NLRC4: variants seen among roughly 807,000 people sequenced by gnomAD.
The protein encoded by NLRC4 is NLR family CARD domain containing 4.
NLRC4 carries 63 observed loss-of-function variants against 79.9 expected under a neutral mutation model. The observed-to-expected ratio is 0.79, with a 90% CI of 0.64 to 0.97. The LOEUF (loss-of-function observed/expected upper bound fraction) is 0.97. Ranked by LOEUF, NLRC4 falls within the 50% of genes least tolerant of loss-of-function variation. The probability of loss-of-function intolerance (pLI) is 0.00; values close to 1 mark genes in which losing one functional copy is unlikely to be tolerated. For synonymous variants in NLRC4, 461 were observed against 456.5 expected (o/e 1.01, Z -0.12); for missense variants, 1,074 against 1,215.2 (o/e 0.88, Z 1.73).
At chr2:32,255,103 A>C (rs932838332) in intron 2 of NLRC4, among the ~76,000 whole-genome samples, 1 of 151,770 alleles carries the variant, frequency 6.6e-6, no homozygotes, top group Non-Finnish European at 1.5e-5. Context: ...CCCTGTCTAC[A>C]TGTCCTGCAA....
In NLRC4 at chr2:32,233,359, T is replaced by A. The variant is rs1203756381; in HGVS notation, c.2782+2042A>T. ...TATATATATATATATATTTTTTTTT[T>A]TTTTTTTTTAATTGTAGAGACGACA... On this transcript the variant is annotated intron_variant, in intron 8 of 8. Coordinates refer to ENST00000402280, the MANE Select transcript of NLRC4 (RefSeq NM_001199138.2). 9.4e-4 allele frequency among the ~76,000 whole-genome samples: 121 copies of A among 128,886 alleles called. 1 individual carries two copies. The highest frequency in any genetic ancestry group is 2.3e-3 in the African/African-American group (75 of 33,184). 84.6% of individuals were successfully genotyped at this position (128,886 alleles called of 152,430 possible).
chr2:32,228,714 T>A (rs963207157), intron 8 of NLRC4, among the ~76,000 whole-genome samples: 23 of 152,206 alleles, frequency 1.5e-4, no homozygotes, highest in African/African-American at 5.5e-4. Context: ...GCAGAATGAT[T>A]GGGCCCAGGA....
chr2:32,248,049 T>C (rs759007714), intron 4 of NLRC4, among the ~76,000 whole-genome samples: 8 of 152,084 alleles, frequency 5.3e-5, no homozygotes, highest in Non-Finnish European at 1.2e-4. Context: ...TGAGAAATAA[T>C]CTGATAATGG....
chr2:32,229,346 C>A (rs537402189), intron 8 of NLRC4, among the ~76,000 whole-genome samples: 1 of 152,186 alleles, frequency 6.6e-6, no homozygotes, highest in African/African-American at 2.4e-5. Context: ...GACCGGTAAT[C>A]CCAGCTACTG....
intron 4 of NLRC4, among the ~76,000 whole-genome samples, chr2:32,243,844 A>G (rs551136839): frequency 1.3e-5 from 2 of 152,084 alleles, no homozygotes; most frequent in Admixed American, 6.6e-5. Context: ...TGGGCTTCAT[A>G]TAGGGAATGC....
Position 32,250,952 on chromosome 2 carries a change from G to T in NLRC4, c.912C>A (p.Ser304Arg). ...TAEVGDMTED[S>R]AQALIREVLI... ...GCACTTCTCGGATGAGAGCCTGGGC[G>T]CTGTCTTCTGTCATATCCCCCACCT... Residue 304 changes from serine (S) to arginine (R), a missense_variant, in exon 4 of 9, where the codon AGC (serine) becomes AGA (arginine). Transcript: ENST00000402280. This position sits in a 1 kb window ranked among gnomAD's most constrained non-coding sequence, Gnocchi z 4.9. 1.2e-6 allele frequency: 2 copies of T among 1,614,118 alleles called. No homozygotes were observed. Among genetic ancestry groups the T allele is most frequent in the Middle Eastern group, 1.6e-4 (1 of 6,062 alleles).
At chr2:32,229,025 C>T (rs1410357806) in intron 8 of NLRC4, among the ~76,000 whole-genome samples, 2 of 151,928 alleles carry the variant, frequency 1.3e-5, no homozygotes, top group Non-Finnish European at 2.9e-5. Context: ...CTTGGCCTCA[C>T]GAAGTGCTGG....
At chr2:32,248,214 C>A (rs546321638) in intron 4 of NLRC4, among the ~76,000 whole-genome samples, 1 of 152,228 alleles carries the variant, frequency 6.6e-6, no homozygotes, top group South Asian at 2.1e-4. Flanking sequence ...ATATTTCCAG[C>A]CAGTCTTGAT....
chr2:32,258,961 G>A (rs1687272562), intron 1 of NLRC4, among the ~76,000 whole-genome samples: 1 of 152,188 alleles, frequency 6.6e-6, no homozygotes, highest in Admixed American at 6.5e-5. Flanking sequence ...CAGACAGGAA[G>A]TGGGGAAGAG....
chr2:32,260,274 C>T (rs2148948300), intron 1 of NLRC4, among the ~76,000 whole-genome samples: 1 of 150,560 alleles, frequency 6.6e-6, no homozygotes, highest in South Asian at 2.1e-4. Context: ...ATCTATTCTC[C>T]TGTTGATGGA....
intron 4 of NLRC4, among the ~76,000 whole-genome samples, chr2:32,247,434 C>T (rs1163310775): frequency 6.6e-6 from 1 of 151,124 alleles, no homozygotes; most frequent in Non-Finnish European, 1.5e-5. Context: ...CCTGCCTCAG[C>T]CTCCCGAGTA....
intron 4 of NLRC4, among the ~76,000 whole-genome samples, chr2:32,242,685 G>C (rs185588339): frequency 1.3e-5 from 2 of 152,044 alleles, no homozygotes. Flanking sequence ...GAAGTACAAA[G>C]AATAATTCCC....
rs187140134 is a variant in NLRC4, at chr2:32,236,235, T to A, written c.2614+12A>T. ...TTCAAGTATCTAATTTTGGCTGAAT[T>A]GTCATTCTTACTCAGTTCATGAAGA... is the stretch of plus-strand genomic sequence containing the variant. On this transcript the variant is annotated intron_variant, in intron 7 of 8. Coordinates refer to ENST00000402280, the MANE Select transcript of NLRC4 (RefSeq NM_001199138.2). The A allele has an allele frequency of 8.3e-4, 1,282 of 1,548,054 alleles. 4 individuals carry two copies. The Middle Eastern group carries it at 0.018, about 21-fold the overall frequency.
chr2:32,257,112 C>T (rs942251552), intron 1 of NLRC4, among the ~76,000 whole-genome samples: 3 of 152,252 alleles, frequency 2.0e-5, no homozygotes, highest in African/African-American at 7.2e-5. Flanking sequence ...GAACTTTGCC[C>T]TTCTCTTCAA....
chr2:32,233,349 A>ATATATATATATATATTTT (rs1418146489), intron 8 of NLRC4, among the ~76,000 whole-genome samples: 2 of 41,100 alleles, frequency 4.9e-5, no homozygotes, highest in African/African-American at 9.5e-5. Flanking sequence ...ATATATATAT[A>ATATATATATATATATTTT]TTTTTTTTTT....
chr2:32,263,994 G>A (rs563810578), intron 1 of NLRC4, among the ~76,000 whole-genome samples: 167 of 152,240 alleles, frequency 1.1e-3, no homozygotes, highest in Non-Finnish European at 1.9e-3. Flanking sequence ...CACGAAATAG[G>A]TGTCCCGTAA....
chr2:32,224,613 G>A lies in NLRC4; in HGVS notation c.2935C>T (p.Pro979Ser). Reference protein sequence around the residue: ...FFDFSTKEFLPDPALVRKLSQ... With the variant: ...FFDFSTKEFLSDPALVRKLSQ... ...AGTTTTCTGACTAATGCTGGATCAGGTAGAAATTCTTTAGTACTAAAGTCA... is the reference window on the plus strand; with the variant it reads ...AGTTTTCTGACTAATGCTGGATCAGATAGAAATTCTTTAGTACTAAAGTCA... The change falls in exon 9 of 9, where the codon CCT (proline) becomes TCT (serine). Residue 979 changes from proline (P) to serine (S), a missense_variant. By Grantham distance (74) the Pro-to-Ser change is moderately conservative. Transcript: ENST00000402280. 1.2e-6 allele frequency: 2 copies of A among 1,613,858 alleles called. No homozygotes were observed. The highest frequency in any genetic ancestry group is 8.5e-7 in the Non-Finnish European group (1 of 1,179,858).
intron 2 of NLRC4, among the ~76,000 whole-genome samples, chr2:32,255,698 T>G (rs1403261821): frequency 6.6e-6 from 1 of 151,802 alleles, no homozygotes; most frequent in Non-Finnish European, 1.5e-5. Flanking sequence ...GTCACATAAC[T>G]CTCATACCCA....
chr2:32,247,619 AT>A (rs1558455206), intron 4 of NLRC4, among the ~76,000 whole-genome samples: 1 of 151,786 alleles, frequency 6.6e-6, no homozygotes, highest in African/African-American at 2.4e-5. Flanking sequence ...TACATTTTTA[AT>A]AAAAATAGTT....
Sources: allele counts gnomAD v4.1 joint callset (sites outside exome capture counted in the v4.1 genomes callset), GRCh38; gene constraint gnomAD v4.1.1; non-coding constraint Gnocchi (gnomAD v3.1); transcripts MANE v1.5; gene names NCBI Gene and HGNC (gene_info 2026-07-23, HGNC 2026-07-21).